Variants in SHC2 observed in about 807,000 individuals in gnomAD.
The protein encoded by SHC2 is SHC adaptor protein 2, also known as SHC-transforming protein 2.
In SHC2, 62 loss-of-function variants were observed where a neutral mutation model predicts 60.6. The ratio of observed to expected loss-of-function variants is 1.02; its 90% CI spans 0.83 to 1.26. The LOEUF is 1.26. Among genes scored for constraint, SHC2 ranks in the 50% most tolerant of loss-of-function variants. SHC2 has a pLI of 0.00. For synonymous variants in SHC2, 375 were observed against 372.4 expected (o/e 1.01, Z -0.08); for missense variants, 873 against 822.2 (o/e 1.06, Z -0.76).
chr19:425,139 G>A lies in SHC2; in HGVS notation c.1267C>T (p.Pro423Ser). 1.4e-6 allele frequency: 2 copies of A among 1,399,820 alleles called. No homozygotes were observed. Among genetic ancestry groups the A allele is most frequent in the South Asian group, 1.8e-5 (1 of 55,642 alleles). 86.7% of individuals were successfully genotyped at this position (1,399,820 alleles called of 1,614,324 possible). The change falls in exon 10 of 13, where the codon CCC becomes TCC. Residue 423 changes from proline (P) to serine (S), a missense_variant. Coordinates refer to ENST00000264554, the MANE Select transcript of SHC2 (RefSeq NM_012435.3). The surrounding 1 kb of genome is among the most constrained non-coding windows in gnomAD (Gnocchi z 4.1). ...LYVNTQGLDA[P>S]EPEDSPKKDL... The stretch of plus-strand genomic sequence containing the variant: ...TTTTTGGGGCTGTCCTCCGGCTCGG[G>A]GGCGTCCAGACCCTGGGTGTTGACA...
At chr19:433,759 C>A (rs377265380) in intron 8 of SHC2, among the ~76,000 whole-genome samples, 1 of 3,936 alleles carries the variant, frequency 2.5e-4, no homozygotes, top group Non-Finnish European at 4.2e-4. Flanking sequence ...TGAGTGAGAT[C>A]GTGAGTGAGA....
rs528194579 is a variant in SHC2 at position 425,020 on chromosome 19, T to A, written c.1309+77A>T. 3 of 1,307,806 alleles carry A rather than the reference T, an allele frequency of 2.3e-6. No homozygotes were observed. The highest frequency in any genetic ancestry group is 2.0e-6 in the Non-Finnish European group (2 of 1,010,316). 81.0% of individuals were successfully genotyped at this position (1,307,806 alleles called of 1,614,324 possible). ...TCAGACCAGGGAATCCCGTAGGGAG[T>A]GGGGGTGGGGTTGTGCCTCCCCCAT... is the stretch of plus-strand genomic sequence containing the variant. On this transcript the variant is annotated intron_variant, in intron 10 of 12. Transcript: ENST00000264554. The surrounding 1 kb of genome is among the most constrained non-coding windows in gnomAD (Gnocchi z 4.1).
At chr19:429,450 A>G (rs1051244769) in intron 9 of SHC2, among the ~76,000 whole-genome samples, 24 of 149,034 alleles carry the variant, frequency 1.6e-4, no homozygotes, top group Non-Finnish European at 2.8e-4. Context: ...TCTACACCCA[A>G]CGTGCACAGA....
chr19:430,869 C>T (rs1181950723), intron 8 of SHC2, 122 bp from the exon 9 acceptor site: 2 of 836,226 alleles, frequency 2.4e-6, no homozygotes, highest in Non-Finnish European at 3.8e-6. Flanking sequence ...GGAGCACAGC[C>T]CTGGCCCTCC....
At position 440,120 on chromosome 19, in the gene SHC2, C is replaced by T. The variant is rs969299757; in HGVS notation, c.539+742G>A. On this transcript the variant is annotated intron_variant, in intron 2 of 12. Coordinates refer to ENST00000264554, the MANE Select transcript of SHC2 (RefSeq NM_012435.3). This position sits in a 1 kb window ranked among gnomAD's most constrained non-coding sequence, Gnocchi z 7.0. ...TGCTCAGTGAGAGACGCCAGACACA[C>T]GAGGCCACGCAGCGTGTGATCCCAT... Among the ~76,000 whole-genome samples the T allele has an allele frequency of 2.5e-5, 3 of 119,392 alleles. No individual in the cohort carries two copies. Among genetic ancestry groups the T allele is most frequent in the African/African-American group, 1.0e-4 (2 of 19,344 alleles). The allele number at this position is 119,392 out of a possible 152,430, so 78.3% of individuals were successfully genotyped here. A position where few individuals can be genotyped will look rare whatever the true frequency, so the allele number is the denominator to read the frequency against.
rs1975534554 is a variant in SHC2, at chr19:460,859, G to A, written c.138C>T (p.Arg46=). The A allele has an allele frequency of 3.0e-6, 3 of 985,152 alleles. No individual in the cohort carries two copies. The highest frequency in any genetic ancestry group is 1.8e-5 in the African/African-American group (1 of 56,440). The allele number at this position is 985,152 out of a possible 1,614,324, so 61.0% of individuals were successfully genotyped here. The change falls in exon 1 of 13, where the codon CGC becomes CGT. Residue 46 remains arginine, a synonymous_variant. Coordinates refer to ENST00000264554, the MANE Select transcript of SHC2 (RefSeq NM_012435.3). ...KFAAPGGFLG[R]GPAAARAAGA... is the part of the protein sequence containing the mutation. ...CAGCCGCCCGCGCCGCCGCCGGGCC[G>A]CGGCCCAGGAAGCCGCCCGGGGCCG...
At chr19:450,372 T>G (rs1383758416) in intron 1 of SHC2, among the ~76,000 whole-genome samples, 2 of 152,072 alleles carry the variant, frequency 1.3e-5, no homozygotes, top group African/African-American at 4.8e-5. Flanking sequence ...AAATTTAGAG[T>G]TTTGACTGTC....
At chr19:430,813 A>G in intron 8 of SHC2, 66 bp from the exon 9 acceptor site, 4 of 1,482,230 alleles carry the variant, frequency 2.7e-6, no homozygotes, top group Non-Finnish European at 3.7e-6. Context: ...CTGGACCCCC[A>G]GTCTCCCCGC....
At chr19:442,361 G>A (rs771461571) in intron 1 of SHC2, among the ~76,000 whole-genome samples, 9 of 143,962 alleles carry the variant, frequency 6.3e-5, no homozygotes, top group Non-Finnish European at 1.2e-4. Context: ...GTGGAAGGAT[G>A]GATGGATGGG....
At chr19:458,808 G>A (rs1183549886) in intron 1 of SHC2, among the ~76,000 whole-genome samples, 14 of 145,226 alleles carry the variant, frequency 9.6e-5, no homozygotes, top group Middle Eastern at 3.8e-3. Flanking sequence ...CTGGGGAGGC[G>A]GAAGCGGGTC....
At position 452,244 on chromosome 19, in the gene SHC2, G is replaced by A. The variant is rs113868360; in HGVS notation, c.468+8285C>T. Reference sequence around the variant, plus strand: ...GGGGCATCGTACTGACTTGGGGGGAGTTCCTGCGTAGGTGTGCGTTTCTCC... The same window carrying A: ...GGGGCATCGTACTGACTTGGGGGGAATTCCTGCGTAGGTGTGCGTTTCTCC... On this transcript the variant is annotated intron_variant, in intron 1 of 12. Coordinates refer to ENST00000264554, the MANE Select transcript of SHC2 (RefSeq NM_012435.3). Among the ~76,000 whole-genome samples, 923 of 98,490 alleles carry A rather than the reference G, an allele frequency of 9.4e-3. 1 individual carries two copies. The highest frequency in any genetic ancestry group is 0.036 in the African/African-American group (800 of 22,348). The allele number at this position is 98,490 out of a possible 152,430, so 64.6% of individuals were successfully genotyped here.
At chr19:429,237 C>CAA (rs1183136313) in intron 9 of SHC2, among the ~76,000 whole-genome samples, 1 of 144,550 alleles carries the variant, frequency 6.9e-6, no homozygotes, top group African/African-American at 2.6e-5. Flanking sequence ...GTGTGGATGA[C>CAA]ACAGTACCTA....
Position 436,727 on chromosome 19 carries a change from G to A in SHC2, c.721-44C>T, listed in dbSNP as rs143965166. 1.0e-3 allele frequency: 1,617 copies of A among 1,570,498 alleles called. 7 individuals carry two copies. The African/African-American group carries it at 0.017, about 16-fold the overall frequency. ...CACGCGGTCATGGGGGCCCCGCTTC[G>A]AGGGCAGGGGGCCCGGCAGATGGAC... is the stretch of plus-strand genomic sequence containing the variant. On this transcript the variant is annotated intron_variant, in intron 4 of 12. Transcript: ENST00000264554.
chr19:419,274 C>A lies in SHC2; in HGVS notation c.1621-218G>T, dbSNP rs1421293734. The A allele has an allele frequency of 7.8e-6, 4 of 515,534 alleles. No individual in the cohort carries two copies. In the Admixed American group the frequency reaches 1.4e-4, roughly 18 times the overall value. The allele number at this position is 515,534 out of a possible 1,614,324, so 31.9% of individuals were successfully genotyped here. On this transcript the variant is annotated intron_variant, in intron 11 of 12. Coordinates refer to ENST00000264554, the MANE Select transcript of SHC2 (RefSeq NM_012435.3). ...TGAAACCCCCAGGGTTCTGGGGCCA[C>A]GCTTCCTGTCGGGAGCTGAAAGGTG...
At position 460,941 on chromosome 19, in the gene SHC2, G is replaced by C; in HGVS notation, c.56C>G (p.Pro19Arg). 1 of 988,700 alleles carries C rather than the reference G, an allele frequency of 1.0e-6. No homozygotes were observed. Among genetic ancestry groups the C allele is most frequent in the African/African-American group, 1.8e-5 (1 of 56,884 alleles). The allele number at this position is 988,700 out of a possible 1,614,324, so 61.2% of individuals were successfully genotyped here. ...APPAPPAPPE[P>R]EAPTTFCALL... ...CGCGCAGAAGGTGGTGGGCGCCTCG[G>C]GCTCGGGGGGCGCGGGGGGCGCCGG... is the stretch of plus-strand genomic sequence containing the variant. Residue 19 changes from proline to arginine, a missense_variant, in exon 1 of 13, where the codon CCC (proline) becomes CGC (arginine). Physicochemically the swap from Pro to Arg is moderately radical, Grantham distance 103 (BLOSUM62 -2). Transcript: ENST00000264554.
At chr19:457,317 CT>C (rs34803348) in intron 1 of SHC2, among the ~76,000 whole-genome samples, 1,891 of 142,352 alleles carry the variant, frequency 0.013, 93 homozygotes, top group African/African-American at 0.052. Flanking sequence ...TGTACCCCCC[CT>C]AGATCTCTGT....
At chr19:449,588 C>T (rs1302006336) in intron 1 of SHC2, among the ~76,000 whole-genome samples, 1 of 151,986 alleles carries the variant, frequency 6.6e-6, no homozygotes, top group Non-Finnish European at 1.5e-5. Context: ...AGAGGGGTAT[C>T]ACGGCTGCAG....
At chr19:458,910 A>G (rs1249963981) in intron 1 of SHC2, among the ~76,000 whole-genome samples, 1 of 151,906 alleles carries the variant, frequency 6.6e-6, no homozygotes, top group Non-Finnish European at 1.5e-5. Flanking sequence ...GCGCCTGGGG[A>G]CCACACGTGG....
At chr19:427,915 CT>C (rs1816620112) in intron 9 of SHC2, among the ~76,000 whole-genome samples, 1 of 145,994 alleles carries the variant, frequency 6.8e-6, no homozygotes, top group African/African-American at 2.5e-5. Context: ...GAAGGGGGAA[CT>C]GCACACGGCA....
Sources: allele counts gnomAD v4.1 joint callset (sites outside exome capture counted in the v4.1 genomes callset), GRCh38; gene constraint gnomAD v4.1.1; non-coding constraint Gnocchi (gnomAD v3.1); transcripts MANE v1.5; gene names NCBI Gene and HGNC (gene_info 2026-07-23, HGNC 2026-07-21).